The following CCSER1 variants were observed in gnomAD, a reference collection of about 807,000 sequenced individuals.
CCSER1 encodes coiled-coil serine rich protein 1.
In CCSER1, 41 loss-of-function variants were observed where a neutral mutation model predicts 82.0. The ratio of observed to expected loss-of-function variants is 0.50; its 90% CI spans 0.39 to 0.65. The LOEUF (loss-of-function observed/expected upper bound fraction) is 0.65, where lower values mean the gene tolerates loss of function less well. Ranked by LOEUF, CCSER1 falls within the 30% of genes least tolerant of loss-of-function variation. CCSER1 has a pLI of 0.00. For synonymous variants in CCSER1, 414 were observed against 383.9 expected (o/e 1.08, Z -0.92); for missense variants, 1,119 against 1,064.2 (o/e 1.05, Z -0.72).
chr4:91,157,605 T>G (rs1026943191), intron 10 of CCSER1, among the ~76,000 whole-genome samples: 2 of 152,036 alleles, frequency 1.3e-5, no homozygotes, highest in South Asian at 4.1e-4. Flanking sequence ...GTATGCTTCA[T>G]GTATATTTAT....
intron 5 of CCSER1, among the ~76,000 whole-genome samples, chr4:90,519,246 C>T (rs896849369): frequency 6.6e-6 from 1 of 151,742 alleles, no homozygotes; most frequent in African/African-American, 2.4e-5. Flanking sequence ...TATTAAAAAA[C>T]AGCTAAAGCC....
At chr4:90,575,489 A>G (rs547371598) in intron 5 of CCSER1, among the ~76,000 whole-genome samples, 1 of 152,302 alleles carries the variant, frequency 6.6e-6, no homozygotes, top group African/African-American at 2.4e-5. Context: ...ACACTGTTGC[A>G]TTGGGGATTA....
rs140724055 is a variant in CCSER1, at chr4:90,271,307, G to T, written c.-41-36937G>T. On this transcript the variant is annotated intron_variant, in intron 1 of 10. Transcript: ENST00000509176. ...AAAATCAGACATATAGATCAATGGA[G>T]CATAATTGAGAAACCAGAAATAAAT... 5.9e-3 allele frequency among the ~76,000 whole-genome samples: 897 copies of T among 152,086 alleles called. 13 individuals are homozygous for T. Among genetic ancestry groups the T allele is most frequent in the Admixed American group, 0.026 (393 of 15,270 alleles).
intron 4 of CCSER1, among the ~76,000 whole-genome samples, chr4:90,412,134 T>G (rs545865621): frequency 6.6e-6 from 1 of 152,050 alleles, no homozygotes; most frequent in South Asian, 2.1e-4. Context: ...CTATGCAGCC[T>G]TAAGAAAGGA....
intron 1 of CCSER1, among the ~76,000 whole-genome samples, chr4:90,137,518 G>C (rs1163255274): frequency 1.3e-5 from 2 of 152,150 alleles, no homozygotes; most frequent in African/African-American, 2.4e-5. Flanking sequence ...TGCCTCCCAG[G>C]ATATTTCTGA....
chr4:91,144,648 G>A (rs1004436743), intron 10 of CCSER1, among the ~76,000 whole-genome samples: 1 of 148,296 alleles, frequency 6.7e-6, no homozygotes, highest in Non-Finnish European at 1.5e-5. Context: ...TGGAGATTTT[G>A]GTATATTGTG....
chr4:90,898,489 T>G (rs1724099888), intron 8 of CCSER1, among the ~76,000 whole-genome samples: 1 of 150,876 alleles, frequency 6.6e-6, no homozygotes, highest in African/African-American at 2.4e-5. Flanking sequence ...GGTTTCACTA[T>G]GTTGGCCAGG....
chr4:91,304,641 G>T (rs1172114994), intron 10 of CCSER1, among the ~76,000 whole-genome samples: 1 of 152,030 alleles, frequency 6.6e-6, no homozygotes, highest in Non-Finnish European at 1.5e-5. Context: ...TTAGATCGCA[G>T]AGTTCACACC....
chr4:90,655,037 A>C (rs1037745105), intron 6 of CCSER1, among the ~76,000 whole-genome samples: 11 of 152,078 alleles, frequency 7.2e-5, no homozygotes, highest in Admixed American at 1.3e-4. Flanking sequence ...TTTTGAAATG[A>C]CTTACATTTC....
chr4:91,446,203 C>T (rs752177804), intron 10 of CCSER1, among the ~76,000 whole-genome samples: 2 of 54,032 alleles, frequency 3.7e-5, no homozygotes, highest in African/African-American at 1.0e-4. Flanking sequence ...AAGTTTTATT[C>T]CTCATACTTT....
rs144235137 is a variant in CCSER1 at position 91,509,707 on chromosome 4, T to C, written c.2218-88865T>C. Among the ~76,000 whole-genome samples the C allele has an allele frequency of 1.1e-3, 175 of 152,296 alleles. 1 individual carries two copies. The highest frequency in any genetic ancestry group is 1.8e-3 in the Non-Finnish European group (122 of 68,026). On this transcript the variant is annotated intron_variant, in intron 10 of 10. Coordinates refer to ENST00000509176, the MANE Select transcript of CCSER1 (RefSeq NM_001145065.2). ...CATTTTCTGTTTTTCCCTTAAATTCTTTCAGTTTTTTTGTCTAATATTAAC... is the reference window on the plus strand; with the variant it reads ...CATTTTCTGTTTTTCCCTTAAATTCCTTCAGTTTTTTTGTCTAATATTAAC...
At chr4:91,302,182 CA>C (rs1241638611) in intron 10 of CCSER1, among the ~76,000 whole-genome samples, 1 of 151,922 alleles carries the variant, frequency 6.6e-6, no homozygotes, top group Non-Finnish European at 1.5e-5. Flanking sequence ...CATTTAGATG[CA>C]ATCATCTAAA....
chr4:90,238,967 C>G (rs1344669745), intron 1 of CCSER1, among the ~76,000 whole-genome samples: 3 of 151,982 alleles, frequency 2.0e-5, no homozygotes, highest in Admixed American at 6.6e-5. Flanking sequence ...TCTCCTTCCT[C>G]AGCCTTCTGA....
intron 10 of CCSER1, chr4:91,319,094 G>C: frequency 3.5e-6 from 1 of 282,922 alleles, no homozygotes; most frequent in Non-Finnish European, 7.2e-6. Context: ...TTAACAGATG[G>C]TAATTAAGAC....
At chr4:90,965,875 G>T (rs1217041833) in intron 9 of CCSER1, among the ~76,000 whole-genome samples, 1 of 152,064 alleles carries the variant, frequency 6.6e-6, no homozygotes, top group African/African-American at 2.4e-5. Flanking sequence ...CTAAACGAAA[G>T]TGCTTTTTTT....
At chr4:91,316,881 G>A (rs1745871432) in intron 10 of CCSER1, among the ~76,000 whole-genome samples, 1 of 151,960 alleles carries the variant, frequency 6.6e-6, no homozygotes, top group Non-Finnish European at 1.5e-5. Flanking sequence ...AGAGGCTGGT[G>A]GCAGAAGATG....
intron 6 of CCSER1, among the ~76,000 whole-genome samples, chr4:90,641,511 TA>T (rs1007277037): frequency 8.5e-5 from 13 of 152,276 alleles, no homozygotes; most frequent in African/African-American, 2.9e-4. Context: ...AATCTTATAT[TA>T]AAAAACTCAC....
chr4:90,611,745 T>G (rs184957392), intron 5 of CCSER1, among the ~76,000 whole-genome samples: 59 of 147,904 alleles, frequency 4.0e-4, no homozygotes, highest in African/African-American at 1.4e-3. Flanking sequence ...ATATATTATA[T>G]ATTTAAAATA....
At chr4:90,411,184 C>A (rs1306186159) in intron 4 of CCSER1, among the ~76,000 whole-genome samples, 4 of 152,172 alleles carry the variant, frequency 2.6e-5, no homozygotes, top group Admixed American at 1.3e-4. Context: ...CAGCCGAATT[C>A]TACCAGAGGT....
Sources: gnomAD v4.1 joint callset for allele counts (sites outside exome capture counted in the v4.1 genomes callset) on GRCh38, gnomAD v4.1.1 for gene constraint, MANE v1.5 for transcripts, NCBI Gene and HGNC (gene_info 2026-07-23, HGNC 2026-07-21) for gene names.